The following LINGO2 variants were observed in gnomAD, a reference collection of about 807,000 sequenced individuals.
LINGO2 encodes leucine-rich repeat and immunoglobulin-like domain-containing nogo receptor-interacting protein 2.
Under a neutral mutation model 30.6 loss-of-function variants are expected in LINGO2, and 14 were observed. The ratio of observed to expected loss-of-function variants is 0.46; its 90% CI spans 0.30 to 0.72. The LOEUF (loss-of-function observed/expected upper bound fraction) is 0.72, where lower values mean the gene tolerates loss of function less well. Among genes scored for constraint, LINGO2 ranks in the 30% least tolerant of loss-of-function variants. The pLI, the probability that LINGO2 is intolerant of heterozygous loss-of-function variation, is 0.07. For missense variants in LINGO2, 729 were observed against 751.7 expected (o/e 0.97, Z 0.35); for synonymous variants, 317 against 288.5 (o/e 1.10, Z -1.00).
At chr9:28,353,780 C>G (rs535732005) in intron 3 of LINGO2, among the ~76,000 whole-genome samples, 4 of 151,658 alleles carry the variant, frequency 2.6e-5, no homozygotes, top group Non-Finnish European at 4.4e-5. Context: ...TAGACTGGAT[C>G]AAGAAAATGT....
the LINGO2 span, among the ~76,000 whole-genome samples, chr9:28,776,168 G>A: frequency 6.6e-6 from 1 of 152,162 alleles, no homozygotes; most frequent in Admixed American, 6.5e-5. Context: ...GCTTCAGTGA[G>A]GAAACAGTGA....
chr9:28,214,731 T>C (rs1369248226), intron 4 of LINGO2, among the ~76,000 whole-genome samples: 1 of 151,654 alleles, frequency 6.6e-6, no homozygotes, highest in East Asian at 1.9e-4. Flanking sequence ...ATTGTCCAAA[T>C]GTAAGTGTAA....
chr9:28,918,690 T>C, the LINGO2 span, among the ~76,000 whole-genome samples: 1 of 152,208 alleles, frequency 6.6e-6, no homozygotes, highest in Admixed American at 6.5e-5. Flanking sequence ...AAACATATAT[T>C]TCAACGTATG....
At chr9:29,210,069 C>A in the LINGO2 span, among the ~76,000 whole-genome samples, 4 of 152,106 alleles carry the variant, frequency 2.6e-5, no homozygotes, top group Non-Finnish European at 5.9e-5. Flanking sequence ...ATTGAAGTAT[C>A]AAGCCAATTA....
At chr9:28,612,090 G>A (rs1296692842) in intron 1 of LINGO2, among the ~76,000 whole-genome samples, 2 of 151,904 alleles carry the variant, frequency 1.3e-5, no homozygotes, top group Non-Finnish European at 2.9e-5. Context: ...TTTTAAGGCG[G>A]GGTCTCTATT....
the LINGO2 span, among the ~76,000 whole-genome samples, chr9:28,751,861 C>T: frequency 2.6e-5 from 4 of 151,962 alleles, no homozygotes; most frequent in African/African-American, 4.8e-5. Flanking sequence ...GGAATCCATA[C>T]ACCCATGACG....
At chr9:28,754,005 TACACACACACAAACACACAC>T in the LINGO2 span, among the ~76,000 whole-genome samples, 1 of 109,742 alleles carries the variant, frequency 9.1e-6, no homozygotes, top group South Asian at 3.4e-4. Context: ...TAAATGAGAA[TACACACACACAAACACACAC>T]ACACACACAC....
At chr9:28,822,948 T>C in the LINGO2 span, among the ~76,000 whole-genome samples, 1 of 152,166 alleles carries the variant, frequency 6.6e-6, no homozygotes, top group African/African-American at 2.4e-5. Flanking sequence ...AAAAATATAC[T>C]TTTTTATGTT....
At chr9:28,613,702 T>G (rs1379181812) in intron 1 of LINGO2, among the ~76,000 whole-genome samples, 1 of 152,120 alleles carries the variant, frequency 6.6e-6, no homozygotes, top group Non-Finnish European at 1.5e-5. Context: ...CATAAAGTAG[T>G]ATAAGAACTA....
At chr9:28,601,553 CAATTGAGTGAGTGG>C (rs1825476387) in intron 1 of LINGO2, among the ~76,000 whole-genome samples, 1 of 49,764 alleles carries the variant, frequency 2.0e-5, no homozygotes, top group African/African-American at 1.3e-4. Context: ...GAGTGTGTGG[CAATTGAGTGAGTGG>C]CACAATTAGC....
intron 5 of LINGO2, among the ~76,000 whole-genome samples, chr9:27,960,813 G>C (rs1249453608): frequency 6.6e-6 from 1 of 151,780 alleles, no homozygotes; most frequent in South Asian, 2.1e-4. Flanking sequence ...GCTATTTGCT[G>C]TCTATTTGTC....
the LINGO2 span, among the ~76,000 whole-genome samples, chr9:28,812,255 T>C: frequency 6.6e-6 from 1 of 152,182 alleles, no homozygotes; most frequent in East Asian, 1.9e-4. Context: ...GAATATCTGG[T>C]AGTACTTACT....
At chr9:29,043,108 A>G in the LINGO2 span, among the ~76,000 whole-genome samples, 2 of 152,012 alleles carry the variant, frequency 1.3e-5, no homozygotes, top group African/African-American at 4.8e-5. Flanking sequence ...AACAACAGCA[A>G]GAAAAAGTAG....
chr9:29,038,673 G>T, the LINGO2 span, among the ~76,000 whole-genome samples: 1 of 126,070 alleles, frequency 7.9e-6, no homozygotes, highest in African/African-American at 3.0e-5. Flanking sequence ...TCACTACTCA[G>T]AAAAAAAAAA....
At chr9:28,595,063 A>T (rs780495295) in intron 1 of LINGO2, among the ~76,000 whole-genome samples, 1 of 152,082 alleles carries the variant, frequency 6.6e-6, no homozygotes, top group Non-Finnish European at 1.5e-5. Context: ...GATATTCATG[A>T]GCATAAATAG....
chr9:29,009,760 T>C, the LINGO2 span, among the ~76,000 whole-genome samples: 9 of 152,116 alleles, frequency 5.9e-5, no homozygotes, highest in African/African-American at 1.2e-4. Context: ...GGAGGCATCA[T>C]GCTACCTGAC....
the LINGO2 span, among the ~76,000 whole-genome samples, chr9:29,128,202 A>T: frequency 1.1e-3 from 160 of 152,274 alleles, no homozygotes; most frequent in African/African-American, 3.5e-3. Context: ...TAACACACTA[A>T]GATTAGACAC....
intron 1 of LINGO2, among the ~76,000 whole-genome samples, chr9:28,544,570 A>G (rs186565277): frequency 3.3e-5 from 5 of 152,114 alleles, no homozygotes; most frequent in Non-Finnish European, 7.3e-5. Flanking sequence ...CATGGAGTCC[A>G]GAGTGGGCAT....
intron 2 of LINGO2, among the ~76,000 whole-genome samples, chr9:28,411,728 T>C (rs34196605): frequency 0.3 from 45,187 of 152,020 alleles, 7,775 homozygotes; most frequent in Middle Eastern, 0.38. Flanking sequence ...GCTATGAACA[T>C]GGGTATACAA....
Sources: gnomAD v4.1 joint callset for allele counts (sites outside exome capture counted in the v4.1 genomes callset) on GRCh38, gnomAD v4.1.1 for gene constraint, MANE v1.5 for transcripts, NCBI Gene and HGNC (gene_info 2026-07-23, HGNC 2026-07-21) for gene names.